The following NIPAL2 variants were observed in gnomAD, a reference collection of about 807,000 sequenced individuals.
The protein encoded by NIPAL2 is NIPA like domain containing 2.
A neutral mutation model predicts 48.9 loss-of-function variants in NIPAL2; 43 were observed. The observed-to-expected ratio is 0.88, with a 90% CI of 0.69 to 1.13. The LOEUF is 1.13. Among genes scored for constraint, NIPAL2 ranks in the 50% most tolerant of loss-of-function variants. The pLI, the probability that NIPAL2 is intolerant of heterozygous loss-of-function variation, is 0.00. For synonymous variants in NIPAL2, 167 were observed against 174.6 expected (o/e 0.96, Z 0.34); for missense variants, 446 against 461.4 (o/e 0.97, Z 0.31).
chr8:98,285,271 G>A (rs1304234850), intron 1 of NIPAL2, among the ~76,000 whole-genome samples: 1 of 152,150 alleles, frequency 6.6e-6, no homozygotes, highest in Non-Finnish European at 1.5e-5. Context: ...GCCCACCTGT[G>A]GGGACATTGC....
chr8:98,217,106 C>T, intron 5 of NIPAL2: 4 of 985,464 alleles, frequency 4.1e-6, no homozygotes, highest in Non-Finnish European at 4.8e-6. Flanking sequence ...CCATCTGCAG[C>T]AGACAGGCTG....
chr8:98,251,147 C>G (rs763218916), intron 3 of NIPAL2, among the ~76,000 whole-genome samples: 1 of 151,676 alleles, frequency 6.6e-6, no homozygotes, highest in South Asian at 2.1e-4. Flanking sequence ...AGTTATCTAT[C>G]TAATATGCCT....
chr8:98,193,802 CA>C (rs34531935), intron 10 of NIPAL2, among the ~76,000 whole-genome samples: 10,022 of 119,920 alleles, frequency 0.084, 394 homozygotes, highest in East Asian at 0.15. Context: ...GACTCCATCT[CA>C]AAAAAAAAAA....
chr8:98,236,851 CA>C (rs34210829), intron 3 of NIPAL2, among the ~76,000 whole-genome samples: 20,119 of 65,658 alleles, frequency 0.31, 1,038 homozygotes, highest in South Asian at 0.47. Flanking sequence ...GATCCTGTCT[CA>C]AAAAAAAAAA....
intron 4 of NIPAL2, among the ~76,000 whole-genome samples, chr8:98,226,778 G>T (rs1378328463): frequency 1.3e-5 from 2 of 152,168 alleles, no homozygotes; most frequent in Admixed American, 6.5e-5. Context: ...TACTGCCTAT[G>T]TTCGCTCAAG....
At chr8:98,245,424 A>T (rs1171201938) in intron 3 of NIPAL2, among the ~76,000 whole-genome samples, 1 of 152,208 alleles carries the variant, frequency 6.6e-6, no homozygotes, top group Non-Finnish European at 1.5e-5. Context: ...TCTACCATTC[A>T]TGTTGGCAGG....
intron 4 of NIPAL2, among the ~76,000 whole-genome samples, chr8:98,225,917 T>G (rs2130765431): frequency 6.6e-6 from 1 of 152,118 alleles, no homozygotes; most frequent in Non-Finnish European, 1.5e-5. Context: ...TCTTTTTTTG[T>G]CTCCTCTGAC....
chr8:98,246,690 C>T (rs1459472763), intron 3 of NIPAL2, among the ~76,000 whole-genome samples: 4 of 152,008 alleles, frequency 2.6e-5, no homozygotes, highest in East Asian at 1.9e-4. Flanking sequence ...AAGTATTGCC[C>T]GAATTTAACT....
At chr8:98,258,708 A>G (rs896043423) in intron 1 of NIPAL2, among the ~76,000 whole-genome samples, 1 of 152,170 alleles carries the variant, frequency 6.6e-6, no homozygotes, top group Non-Finnish European at 1.5e-5. Context: ...GTGTTCAAAT[A>G]AGGTAAATGA....
intron 1 of NIPAL2, among the ~76,000 whole-genome samples, chr8:98,291,985 G>T (rs374691540): frequency 6.6e-6 from 1 of 152,218 alleles, no homozygotes; most frequent in Non-Finnish European, 1.5e-5. Flanking sequence ...ATGTAGTAAG[G>T]TTAATTGATC....
At chr8:98,197,486 T>C (rs1016417293) in intron 8 of NIPAL2, among the ~76,000 whole-genome samples, 2 of 152,218 alleles carry the variant, frequency 1.3e-5, no homozygotes, top group African/African-American at 4.8e-5. Flanking sequence ...AAGACAATAA[T>C]GAAGTTTGCC....
chr8:98,213,442 T>A (rs116122982), intron 5 of NIPAL2, among the ~76,000 whole-genome samples: 182 of 152,234 alleles, frequency 1.2e-3, no homozygotes, highest in African/African-American at 4.2e-3. Context: ...ACTAGACCCA[T>A]TCATTCCTTT....
intron 1 of NIPAL2, among the ~76,000 whole-genome samples, chr8:98,271,314 C>T (rs1815109378): frequency 6.6e-6 from 1 of 152,158 alleles, no homozygotes; most frequent in African/African-American, 2.4e-5. Flanking sequence ...GATGTTGATT[C>T]TTCCAATCCA....
chr8:98,211,020 G>A (rs981198116), intron 6 of NIPAL2, among the ~76,000 whole-genome samples: 2 of 152,152 alleles, frequency 1.3e-5, no homozygotes, highest in Non-Finnish European at 2.9e-5. Context: ...TTATCATGAC[G>A]GGGCTGGGGT....
At position 98,192,521 on chromosome 8, in the gene NIPAL2, G is replaced by C. The variant is rs950785142; in HGVS notation, c.*457C>G. ...ACTTGAAAGGTGAGATTTTTATAGG[G>C]AGGCTTATAAAAGGTGTCTTAGAAA... is the stretch of plus-strand genomic sequence containing the variant. On this transcript the variant is annotated 3_prime_UTR_variant, in exon 11 of 11. Transcript: ENST00000430223. 2 of 153,922 alleles carry C rather than the reference G, an allele frequency of 1.3e-5. No individual in the cohort carries two copies. Among genetic ancestry groups the C allele is most frequent in the African/African-American group, 4.8e-5 (2 of 41,478 alleles). 9.5% of individuals were successfully genotyped at this position (153,922 alleles called of 1,614,324 possible).
intron 5 of NIPAL2, among the ~76,000 whole-genome samples, chr8:98,214,869 G>A (rs1811499043): frequency 6.6e-6 from 1 of 152,118 alleles, no homozygotes. Context: ...TAATTGAGTA[G>A]TGCTACAAAA....
At chr8:98,214,415 C>A (rs867245283) in intron 5 of NIPAL2, among the ~76,000 whole-genome samples, 1 of 152,148 alleles carries the variant, frequency 6.6e-6, no homozygotes, top group Non-Finnish European at 1.5e-5. Context: ...CCACCTGCCT[C>A]GGCCTCCCAA....
intron 6 of NIPAL2, among the ~76,000 whole-genome samples, chr8:98,205,828 T>C (rs1401770910): frequency 6.6e-6 from 1 of 152,156 alleles, no homozygotes; most frequent in Non-Finnish European, 1.5e-5. Context: ...GAAGTTTCAT[T>C]AAGAATATTT....
intron 5 of NIPAL2, among the ~76,000 whole-genome samples, chr8:98,220,964 C>CTTTTTTTTTTTTTTTTTTTT (rs557824737): frequency 2.9e-5 from 2 of 68,666 alleles, no homozygotes; most frequent in Admixed American, 2.0e-4. Context: ...TCATTTCATT[C>CTTTTTTTTTTTTTTTTTTTT]TTTTTTTTTT....
Sources: gnomAD v4.1 joint callset for allele counts (sites outside exome capture counted in the v4.1 genomes callset) on GRCh38, gnomAD v4.1.1 for gene constraint, MANE v1.5 for transcripts, NCBI Gene and HGNC (gene_info 2026-07-23, HGNC 2026-07-21) for gene names.